Variants in OXNAD1 observed in about 807,000 individuals in gnomAD.
The protein encoded by OXNAD1 is oxidoreductase NAD-binding domain-containing protein 1.
Under a neutral mutation model 32.9 loss-of-function variants are expected in OXNAD1, and 34 were observed. The ratio of observed to expected loss-of-function variants is 1.03; its 90% confidence interval spans 0.79 to 1.38. OXNAD1 has a LOEUF of 1.38. OXNAD1 is among the 40% of genes most tolerant of loss of function. The pLI is 0.00. For synonymous variants in OXNAD1, 134 were observed against 135.2 expected, an observed-to-expected ratio of 0.99 and a Z score of 0.06; for missense variants, 407 against 379.4, an observed-to-expected ratio of 1.07 and a Z score of -0.60.
chr3:16,323,291 G>T, intron 9 of OXNAD1: 2 of 999,888 alleles, frequency 2.0e-6, no homozygotes, highest in Non-Finnish European at 3.1e-6. Flanking sequence ...AGCTGGAGCA[G>T]GCTGCCCCCT....
chr3:16,282,117 A>G (rs2065789282), intron 4 of OXNAD1, among the ~76,000 whole-genome samples: 1 of 144,826 alleles, frequency 6.9e-6, no homozygotes, highest in Non-Finnish European at 1.5e-5. Flanking sequence ...TCCTGGGCTC[A>G]AGCTATCTGC....
chr3:16,351,200 G>A (rs2072075741), downstream of OXNAD1, among the ~76,000 whole-genome samples: 1 of 152,194 alleles, frequency 6.6e-6, no homozygotes, highest in African/African-American at 2.4e-5. The surrounding 1 kb of genome is among the most constrained non-coding windows in gnomAD (Gnocchi z 5.4). Context: ...TGAATCCACT[G>A]CAGAATGGTT....
downstream of OXNAD1, among the ~76,000 whole-genome samples, chr3:16,310,991 C>CAAAAAA (rs1003070321): frequency 5.2e-5 from 3 of 57,548 alleles, no homozygotes; most frequent in Non-Finnish European, 6.0e-5. Context: ...ACTCAGTCTC[C>CAAAAAA]AAAAAAAAAA....
At chr3:16,318,235 G>A (rs2068648836) in intron 9 of OXNAD1, among the ~76,000 whole-genome samples, 1 of 148,696 alleles carries the variant, frequency 6.7e-6, no homozygotes, top group Non-Finnish European at 1.5e-5. Flanking sequence ...GTGGCCCAGA[G>A]TGCACGTGGG....
downstream of OXNAD1, among the ~76,000 whole-genome samples, chr3:16,351,276 G>A (rs1269065863): frequency 6.6e-6 from 1 of 152,190 alleles, no homozygotes; most frequent in African/African-American, 2.4e-5. The surrounding 1 kb of genome is among the most constrained non-coding windows in gnomAD (Gnocchi z 5.4). Context: ...CCTTGATCCA[G>A]TCTGTTTGCC....
chr3:16,313,279 G>C lies in OXNAD1; in HGVS notation c.*30+9687G>C, dbSNP rs148447900. Among the ~76,000 whole-genome samples, 697 of 146,076 alleles carry C rather than the reference G, an allele frequency of 4.8e-3. 3 individuals are homozygous for C. The highest frequency in any genetic ancestry group is 0.017 in the African/African-American group (650 of 38,190). On this transcript the variant is annotated intron_variant, in intron 9 of 9. Coordinates refer to the OXNAD1 transcript ENST00000435829. Reference sequence around the variant, plus strand: ...GCTGGTCTCGAACTCCTGAGCTCAAGCGATCCTTCTGTCTCAGCCTCCCAA... The same window carrying C: ...GCTGGTCTCGAACTCCTGAGCTCAACCGATCCTTCTGTCTCAGCCTCCCAA...
At position 16,316,479 on chromosome 3, in the gene OXNAD1, G is replaced by A. The variant is rs994621466; in HGVS notation, c.*30+12887G>A. The stretch of plus-strand genomic sequence containing the variant: ...CCCAGGGTGTCCATGGATTTGACCC[G>A]AATGCTCCCTGGAGGCCCTGTGGCG... On this transcript the variant is annotated intron_variant, in intron 9 of 9. Coordinates refer to the OXNAD1 transcript ENST00000435829. The surrounding 1 kb of genome is among the most constrained non-coding windows in gnomAD (Gnocchi z 4.5). 4 of 323,020 alleles carry A rather than the reference G, an allele frequency of 1.2e-5. No individual in the cohort carries two copies. The highest frequency in any genetic ancestry group is 4.4e-5 in the African/African-American group (2 of 44,994). The allele number at this position is 323,020 out of a possible 1,614,324, so 20.0% of individuals were successfully genotyped here.
At chr3:16,311,193 A>G (rs2067961228) in intron 9 of OXNAD1, among the ~76,000 whole-genome samples, 1 of 51,372 alleles carries the variant, frequency 1.9e-5, no homozygotes, top group Non-Finnish European at 3.4e-5. Context: ...AAAATATTAT[A>G]TATTTTATAT....
rs948614358 is a variant in OXNAD1 at position 16,327,934 on chromosome 3, C to G, written c.*31-9178C>G. ...TCAAAGTGTAGCCCCCACCCCTGCT[C>G]TGTGTGTAACTGGACTCCTCATCCC... On this transcript the variant is annotated intron_variant, in intron 9 of 9. Coordinates refer to the OXNAD1 transcript ENST00000435829. This position sits in a 1 kb window ranked among gnomAD's most constrained non-coding sequence, Gnocchi z 4.2. 2.0e-5 allele frequency among the ~76,000 whole-genome samples: 3 copies of G among 152,190 alleles called. No individual in the cohort carries two copies. Among genetic ancestry groups the G allele is most frequent in the Non-Finnish European group, 2.9e-5 (2 of 68,036 alleles).
downstream of OXNAD1, among the ~76,000 whole-genome samples, chr3:16,307,450 A>T (rs182337145): frequency 1.5e-4 from 23 of 152,334 alleles, no homozygotes; most frequent in African/African-American, 5.1e-4. Context: ...TAGCTGTGTC[A>T]TGCTGCTAAT....
chr3:16,328,329 G>C (rs754371053), intron 9 of OXNAD1, among the ~76,000 whole-genome samples: 2 of 152,360 alleles, frequency 1.3e-5, no homozygotes, highest in Non-Finnish European at 2.9e-5. Context: ...GGTCTGGAGT[G>C]CTCCACTCAG....
rs766041531 is a variant in OXNAD1, at chr3:16,299,525, AAC to A, written c.433-2099_433-2098del. On this transcript the variant is annotated intron_variant, in intron 6 of 8. Transcript: ENST00000285083. This position sits in a 1 kb window ranked among gnomAD's most constrained non-coding sequence, Gnocchi z 4.4. ...CCCCTGAAAGAGTATCCATTCATTTAACAGTTCTTTACCAAAAAAGACATGTT... is the reference window on the plus strand; with the variant it reads ...CCCCTGAAAGAGTATCCATTCATTTAAGTTCTTTACCAAAAAAGACATGTT... Among the ~76,000 whole-genome samples the A allele has an allele frequency of 3.4e-5, 5 of 146,592 alleles. No individual in the cohort carries two copies. The highest frequency in any genetic ancestry group is 7.5e-5 in the Non-Finnish European group (5 of 66,308).
chr3:16,266,252 A>G (rs2064490084), intron 1 of OXNAD1, among the ~76,000 whole-genome samples: 1 of 152,208 alleles, frequency 6.6e-6, no homozygotes, highest in African/African-American at 2.4e-5. Flanking sequence ...TATGAGCTTT[A>G]CTTGGTTCAG....
At chr3:16,318,666 T>G (rs2068701193) in intron 9 of OXNAD1, among the ~76,000 whole-genome samples, 1 of 152,234 alleles carries the variant, frequency 6.6e-6, no homozygotes, top group Non-Finnish European at 1.5e-5. Flanking sequence ...AATGTTCCAT[T>G]AAAGTAGAGA....
chr3:16,308,848 T>G (rs972765776), downstream of OXNAD1, among the ~76,000 whole-genome samples: 16 of 152,246 alleles, frequency 1.1e-4, no homozygotes, highest in Non-Finnish European at 2.2e-4. The surrounding 1 kb of genome is among the most constrained non-coding windows in gnomAD (Gnocchi z 4.4). Context: ...TGTCCTATTT[T>G]GCTATATTTG....
intron 9 of OXNAD1, among the ~76,000 whole-genome samples, chr3:16,328,174 A>G (rs1227818803): frequency 6.6e-6 from 1 of 152,242 alleles, no homozygotes; most frequent in South Asian, 2.1e-4. Context: ...TGGCAGGGCC[A>G]TGGGACTTTG....
At chr3:16,300,349 C>G (rs769414000) in intron 6 of OXNAD1, among the ~76,000 whole-genome samples, 1 of 152,116 alleles carries the variant, frequency 6.6e-6, no homozygotes. Flanking sequence ...ATGGCTATTC[C>G]TAAACATAGA....
chr3:16,351,790 A>T (rs999323855), downstream of OXNAD1, among the ~76,000 whole-genome samples: 6 of 152,234 alleles, frequency 3.9e-5, no homozygotes, highest in African/African-American at 1.4e-4. The surrounding 1 kb of genome is among the most constrained non-coding windows in gnomAD (Gnocchi z 5.4). Context: ...ACTAAGTTGA[A>T]TTCCTTGAAT....
chr3:16,271,563 A>G lies in OXNAD1; in HGVS notation c.120-96A>G. 3.9e-6 allele frequency: 4 copies of G among 1,029,378 alleles called. No individual in the cohort carries two copies. The highest frequency in any genetic ancestry group is 5.6e-6 in the Non-Finnish European group (4 of 717,158). 63.8% of individuals were successfully genotyped at this position (1,029,378 alleles called of 1,614,324 possible). On this transcript the variant is annotated intron_variant, in intron 3 of 8. Coordinates refer to ENST00000285083, the MANE Select transcript of OXNAD1 (RefSeq NM_138381.5). This position sits in a 1 kb window ranked among gnomAD's most constrained non-coding sequence, Gnocchi z 4.6. ...CATTTTATAGGATCTGTAATGTTAC[A>G]CTGTATTTAGGATAACCATGATATT... is the stretch of plus-strand genomic sequence containing the variant.
Sources: gnomAD v4.1 joint callset for allele counts (sites outside exome capture counted in the v4.1 genomes callset) on GRCh38, gnomAD v4.1.1 for gene constraint, Gnocchi (gnomAD v3.1) non-coding constraint, MANE v1.5 for transcripts, NCBI Gene and HGNC (gene_info 2026-07-23, HGNC 2026-07-21) for gene names.